Variants in ABTB3 observed in about 807,000 individuals in gnomAD.
The protein encoded by ABTB3 is ankyrin repeat- and BTB/POZ domain-containing protein 3.
the ABTB3 span, among the ~76,000 whole-genome samples, chr12:107,321,903 G>C: frequency 6.6e-6 from 1 of 152,096 alleles, no homozygotes; most frequent in South Asian, 2.1e-4. Context: ...TTCTCCCTCA[G>C]TATTTCCTTT....
chr12:107,649,289 G>A, the ABTB3 span: 12 of 1,609,442 alleles, frequency 7.5e-6, no homozygotes, highest in South Asian at 1.3e-4. Flanking sequence ...GGGATCCATT[G>A]TGGTGTTGGC....
the ABTB3 span, among the ~76,000 whole-genome samples, chr12:107,457,749 T>C: frequency 1.3e-5 from 2 of 152,264 alleles, no homozygotes; most frequent in African/African-American, 2.4e-5. Flanking sequence ...CCAAGGCTTA[T>C]GTCCTGTTCT....
At chr12:107,504,333 AT>A in the ABTB3 span, among the ~76,000 whole-genome samples, 1 of 152,154 alleles carries the variant, frequency 6.6e-6, no homozygotes, top group Non-Finnish European at 1.5e-5. Context: ...TAACAGCAGC[AT>A]TTAGTCAGCT....
At chr12:107,469,953 TTTC>T in the ABTB3 span, among the ~76,000 whole-genome samples, 6 of 66,568 alleles carry the variant, frequency 9.0e-5, no homozygotes, top group African/African-American at 9.2e-5. Flanking sequence ...TCTTTCTTTC[TTTC>T]TTTCTTTCTT....
the ABTB3 span, among the ~76,000 whole-genome samples, chr12:107,632,651 G>C: frequency 2.0e-5 from 3 of 152,222 alleles, no homozygotes; most frequent in Non-Finnish European, 2.9e-5. Flanking sequence ...GGCTTCTCTG[G>C]GTTGGAAATC....
At chr12:107,475,148 A>T in the ABTB3 span, among the ~76,000 whole-genome samples, 1 of 152,056 alleles carries the variant, frequency 6.6e-6, no homozygotes, top group Non-Finnish European at 1.5e-5. Context: ...GCTGCTTTTA[A>T]ATAACCCCAC....
At chr12:107,507,611 C>T in the ABTB3 span, among the ~76,000 whole-genome samples, 4 of 152,154 alleles carry the variant, frequency 2.6e-5, no homozygotes, top group Admixed American at 2.0e-4. Context: ...CTCGATGCTC[C>T]CCTCCATGAT....
the ABTB3 span, among the ~76,000 whole-genome samples, chr12:107,510,491 A>G: frequency 3.9e-5 from 6 of 152,156 alleles, no homozygotes; most frequent in African/African-American, 1.2e-4. Context: ...TGCTGGAGAT[A>G]GACAACACAT....
the ABTB3 span, chr12:107,544,278 G>T: frequency 2.3e-6 from 2 of 876,668 alleles, no homozygotes; most frequent in Non-Finnish European, 3.5e-6. Flanking sequence ...TGGGAACCTT[G>T]CACCCTGAGG....
chr12:107,390,268 C>G, the ABTB3 span, among the ~76,000 whole-genome samples: 12 of 152,184 alleles, frequency 7.9e-5, no homozygotes, highest in African/African-American at 2.9e-4. Context: ...GTATTTAATG[C>G]TCCCACCAAT....
At chr12:107,510,539 G>A in the ABTB3 span, among the ~76,000 whole-genome samples, 1 of 152,116 alleles carries the variant, frequency 6.6e-6, no homozygotes, top group African/African-American at 2.4e-5. Context: ...CACAGTGGTA[G>A]GTGCTATAAA....
chr12:107,426,061 A>G, the ABTB3 span, among the ~76,000 whole-genome samples: 73 of 149,454 alleles, frequency 4.9e-4, no homozygotes, highest in African/African-American at 1.7e-3. Flanking sequence ...AGGGGGACTC[A>G]CAGAGCTCTG....
At chr12:107,513,070 C>G in the ABTB3 span, among the ~76,000 whole-genome samples, 204 of 152,222 alleles carry the variant, frequency 1.3e-3, 1 homozygote, top group African/African-American at 4.6e-3. Flanking sequence ...GATTTCCTAC[C>G]ATATAGTGTG....
chr12:107,522,191 A>C, the ABTB3 span, among the ~76,000 whole-genome samples: 4 of 152,056 alleles, frequency 2.6e-5, no homozygotes, highest in Non-Finnish European at 5.9e-5. Flanking sequence ...TCTAACCCTA[A>C]TAATTTGCCA....
chr12:107,621,711 G>T, the ABTB3 span, among the ~76,000 whole-genome samples: 8 of 152,154 alleles, frequency 5.3e-5, no homozygotes, highest in Admixed American at 1.3e-4. Flanking sequence ...GCACCCAAGT[G>T]GTCCCCTTAC....
the ABTB3 span, among the ~76,000 whole-genome samples, chr12:107,326,630 C>A: frequency 6.6e-6 from 1 of 152,202 alleles, no homozygotes; most frequent in East Asian, 1.9e-4. Context: ...ATCCCTGCTT[C>A]CAACTTAAAG....
chr12:107,387,948 T>TCTCCTCCCCTTCTCTTTTCTC, the ABTB3 span, among the ~76,000 whole-genome samples: 1 of 146,934 alleles, frequency 6.8e-6, no homozygotes. Flanking sequence ...CCTTCTCTTT[T>TCTCCTCCCCTTCTCTTTTCTC]CTCCTCTTCT....
At chr12:107,585,621 T>C in the ABTB3 span, among the ~76,000 whole-genome samples, 1 of 152,338 alleles carries the variant, frequency 6.6e-6, no homozygotes, top group Admixed American at 6.5e-5. Context: ...CTCTATGACC[T>C]GCTACTTTCA....
the ABTB3 span, among the ~76,000 whole-genome samples, chr12:107,406,422 C>A: frequency 6.6e-6 from 1 of 152,108 alleles, no homozygotes; most frequent in Non-Finnish European, 1.5e-5. Context: ...AGAGTGAAAC[C>A]CTGTCTCTCT....
Sources: gnomAD v4.1 joint callset for allele counts (sites outside exome capture counted in the v4.1 genomes callset) on GRCh38, gnomAD v4.1.1 for gene constraint, MANE v1.5 for transcripts, NCBI Gene and HGNC (gene_info 2026-07-23, HGNC 2026-07-21) for gene names.